The following INTS3 variants were observed in gnomAD, a reference collection of about 807,000 sequenced individuals.
The protein encoded by INTS3 is integrator complex subunit 3, also known as SOSS complex subunit A.
INTS3 carries 34 observed loss-of-function variants against 146.3 expected under a neutral mutation model. The observed-to-expected ratio is 0.23, with a 90% CI of 0.18 to 0.31. The LOEUF is 0.31. Ranked by LOEUF, INTS3 falls within the 10% of genes least tolerant of loss-of-function variation. INTS3 has a pLI of 1.00. For synonymous variants in INTS3, 475 were observed against 494.9 expected (o/e 0.96, Z 0.53); for missense variants, 757 against 1,304.2 (o/e 0.58, Z 6.46).
chr1:153,769,403 T>A (rs1672726314), intron 22 of INTS3, among the ~76,000 whole-genome samples: 2 of 152,124 alleles, frequency 1.3e-5, no homozygotes, highest in Admixed American at 1.3e-4. Flanking sequence ...TCCACTTAGT[T>A]CTCATTCATA....
At chr1:153,759,486 T>A (rs373144387) in intron 10 of INTS3, 40 bp from the exon 11 acceptor site, 12 of 1,326,208 alleles carry the variant, frequency 9.0e-6, no homozygotes, top group Admixed American at 1.7e-5. Context: ...GGGGGGTGAT[T>A]GATGAAACTA....
rs111736946 is a variant in INTS3, at chr1:153,734,031, C to G, written c.150+5247C>G. Among the ~76,000 whole-genome samples, 620 of 152,246 alleles carry G rather than the reference C, an allele frequency of 4.1e-3. 8 individuals carry two copies. The highest frequency in any genetic ancestry group is 0.014 in the African/African-American group (592 of 41,536). On this transcript the variant is annotated intron_variant, in intron 1 of 29. Coordinates refer to ENST00000318967, the MANE Select transcript of INTS3 (RefSeq NM_023015.5). ...CTGGGAAAGAGAAAGGCCTTCCCCC[C>G]CTTTCTCCCCCATTTCATCTGCTGC...
chr1:153,764,751 A>G lies in INTS3; in HGVS notation c.1970+17A>G. The G allele has an allele frequency of 3.1e-6, 5 of 1,596,874 alleles. No individual in the cohort carries two copies. The highest frequency in any genetic ancestry group is 4.3e-6 in the Non-Finnish European group (5 of 1,164,362). ...AATATTTAGGTAAGCACGCAGCTAT[A>G]GGAGATACTGTTCTACCCTCCATCC... On this transcript the variant is annotated intron_variant, in intron 19 of 29. Transcript: ENST00000318967.
At chr1:153,741,245 G>A (rs769786616) in intron 2 of INTS3, 40 bp from the exon 3 acceptor site, 182 of 1,468,450 alleles carry the variant, frequency 1.2e-4, no homozygotes, top group Non-Finnish European at 1.7e-4. Context: ...CTTACTGCCT[G>A]TGAGTGACAA....
intron 20 of INTS3, among the ~76,000 whole-genome samples, chr1:153,765,666 T>A (rs1356798159): frequency 6.6e-6 from 1 of 151,778 alleles, no homozygotes; most frequent in East Asian, 1.9e-4. Context: ...ACCTCCCGGG[T>A]TCAAGCAATT....
intron 20 of INTS3, among the ~76,000 whole-genome samples, 171 bp downstream of exon 20, chr1:153,765,234 A>ACACTGCGGCTCAGTGCATGTCACT (rs1157159043): frequency 6.6e-6 from 1 of 152,038 alleles, no homozygotes; most frequent in Middle Eastern, 3.2e-3. Context: ...TCACCTGATG[A>ACACTGCGGCTCAGTGCATGTCACT]CACTGCGGCT....
intron 3 of INTS3, 191 bp from the exon 4 acceptor site, chr1:153,746,766 A>C (rs1671761788): frequency 5.3e-6 from 3 of 565,866 alleles, no homozygotes; most frequent in African/African-American, 1.9e-5. Flanking sequence ...GTGTGACAGA[A>C]CAAGGGATAG....
chr1:153,770,376 T>G, intron 24 of INTS3, 65 bp downstream of exon 24: 1 of 1,032,738 alleles, frequency 9.7e-7, no homozygotes, highest in South Asian at 1.3e-5. Flanking sequence ...AGGGCAAGGC[T>G]GAGGCCTCTA....
intron 3 of INTS3, among the ~76,000 whole-genome samples, chr1:153,746,645 C>T (rs964445752): frequency 1.3e-5 from 2 of 151,962 alleles, no homozygotes; most frequent in Non-Finnish European, 2.9e-5. Flanking sequence ...TCGTGATCCA[C>T]CCGCCTTGGC....
chr1:153,751,308 C>A, intron 7 of INTS3, 69 bp downstream of exon 7: 1 of 1,479,414 alleles, frequency 6.8e-7, no homozygotes. Context: ...GAGGTTTATG[C>A]AGTGGAGTCA....
intron 1 of INTS3, among the ~76,000 whole-genome samples, chr1:153,731,172 A>G (rs1671045126): frequency 6.6e-6 from 1 of 152,146 alleles, no homozygotes; most frequent in African/African-American, 2.4e-5. Context: ...CACGCCCACA[A>G]GAAGGTAAAA....
Position 153,774,764 on chromosome 1 carries a change from CTTCCCCAGT to C in INTS3, c.*1499_*1507del. The stretch of plus-strand genomic sequence containing the variant: ...GAGGCTTCTTTTTCCTTCCTCTCTC[CTTCCCCAGT>C]TTCCTCTGTCCCAATTAAAACCAGG... On this transcript the variant is annotated 3_prime_UTR_variant, in exon 30 of 30. Coordinates refer to ENST00000318967, the MANE Select transcript of INTS3 (RefSeq NM_023015.5). 3.9e-6 allele frequency: 1 copy of C among 253,514 alleles called. No individual in the cohort carries two copies. The highest frequency in any genetic ancestry group is 6.6e-5 in the South Asian group (1 of 15,204). 15.7% of individuals were successfully genotyped at this position (253,514 alleles called of 1,614,324 possible).
intron 11 of INTS3, chr1:153,760,027 C>T (rs1672314539): frequency 1.9e-6 from 1 of 535,926 alleles, no homozygotes; most frequent in Admixed American, 3.1e-5. Context: ...TAGCACTTCC[C>T]AGAGCCATTC....
Position 153,772,915 on chromosome 1 carries a change from T to A in INTS3, c.2895-10T>A. On this transcript the variant is annotated splice_polypyrimidine_tract_variant and intron_variant, in intron 28 of 29. Coordinates refer to ENST00000318967, the MANE Select transcript of INTS3 (RefSeq NM_023015.5). The surrounding 1 kb of genome is among the most constrained non-coding windows in gnomAD (Gnocchi z 4.6). The stretch of plus-strand genomic sequence containing the variant: ...CTCCCACTCAAAGAGCTACCGCTCC[T>A]TTTCCTTAGATTCAGTGATCTCTTC... The A allele has an allele frequency of 1.2e-6, 2 of 1,614,006 alleles. No individual in the cohort carries two copies. The highest frequency in any genetic ancestry group is 1.7e-6 in the Non-Finnish European group (2 of 1,179,942).
intron 1 of INTS3, among the ~76,000 whole-genome samples, chr1:153,734,259 G>A (rs1199230883): frequency 2.6e-5 from 4 of 152,206 alleles, no homozygotes; most frequent in Non-Finnish European, 4.4e-5. Context: ...TAGGGGAAAA[G>A]CGTTGCTATT....
rs547945707 is a variant in INTS3 at position 153,772,543 on chromosome 1, C to T, written c.2822-96C>T. On this transcript the variant is annotated intron_variant, in intron 27 of 29. Coordinates refer to ENST00000318967, the MANE Select transcript of INTS3 (RefSeq NM_023015.5). This position sits in a 1 kb window ranked among gnomAD's most constrained non-coding sequence, Gnocchi z 4.6. ...AGGGGCAGGACACCCGGGGCCACAA[C>T]CCACACTCGGGATAAAACAACCTGT... 6.0e-5 allele frequency: 97 copies of T among 1,610,852 alleles called. No individual in the cohort carries two copies. In the Admixed American group the frequency reaches 1.5e-3, roughly 26 times the overall value.
At chr1:153,732,345 G>T (rs924548670) in intron 1 of INTS3, among the ~76,000 whole-genome samples, 2 of 152,004 alleles carry the variant, frequency 1.3e-5, no homozygotes, top group Non-Finnish European at 2.9e-5. Context: ...TCTAGTTTTT[G>T]TCCCCTTACA....
At chr1:153,744,020 A>G (rs1671633603) in intron 3 of INTS3, among the ~76,000 whole-genome samples, 1 of 138,640 alleles carries the variant, frequency 7.2e-6, no homozygotes, top group Admixed American at 7.4e-5. Context: ...TCTTTTCCTC[A>G]CTGAGGGTGT....
In INTS3 at chr1:153,771,815, A is replaced by AAGATGGTGC. The variant is rs1202304283; in HGVS notation, c.2573_2581dup (p.Val860_Leu861insGlnMetVal). ...CCCCAGGCCCAGCGAGGAGATGGTG[A>AAGATGGTGC]AGATGGTGCTGAGCCGGCCCTGCCA... On this transcript the variant is annotated inframe_insertion, in exon 26 of 30. Transcript: ENST00000318967. The AAGATGGTGC allele has an allele frequency of 6.2e-7, 1 of 1,612,944 alleles. No individual in the cohort carries two copies. Among genetic ancestry groups the AAGATGGTGC allele is most frequent in the Non-Finnish European group, 8.5e-7 (1 of 1,179,342 alleles).
Sources: allele counts gnomAD v4.1 joint callset (sites outside exome capture counted in the v4.1 genomes callset), GRCh38; gene constraint gnomAD v4.1.1; non-coding constraint Gnocchi (gnomAD v3.1); transcripts MANE v1.5; gene names NCBI Gene and HGNC (gene_info 2026-07-23, HGNC 2026-07-21).